MCC: variants seen among roughly 807,000 people sequenced by gnomAD.
MCC encodes colorectal mutant cancer protein.
MCC carries 90 observed loss-of-function variants against 116.2 expected under a neutral mutation model. The observed-to-expected ratio is 0.77, with a 90% CI of 0.65 to 0.92. The LOEUF (loss-of-function observed/expected upper bound fraction) is 0.92. Among genes scored for constraint, MCC ranks in the 40% least tolerant of loss-of-function variants. The pLI is 0.00. For missense variants in MCC, 1,516 were observed against 1,312.2 expected, an observed-to-expected ratio of 1.16 and a Z score of -2.40; for synonymous variants, 578 against 510.5, an observed-to-expected ratio of 1.13 and a Z score of -1.78.
chr5:113,167,044 C>G (rs1197051033), intron 3 of MCC, among the ~76,000 whole-genome samples: 1 of 152,180 alleles, frequency 6.6e-6, no homozygotes, highest in African/African-American at 2.4e-5. Context: ...AGTCTCATCT[C>G]TCTGGGATAA....
chr5:113,262,078 CTTTT>C (rs879571232), intron 3 of MCC, among the ~76,000 whole-genome samples: 1 of 151,726 alleles, frequency 6.6e-6, no homozygotes, highest in Non-Finnish European at 1.5e-5. Flanking sequence ...GTCCTAAGAG[CTTTT>C]TTTTAATTTT....
chr5:113,350,982 G>A (rs1341114950), intron 2 of MCC, among the ~76,000 whole-genome samples: 2 of 152,102 alleles, frequency 1.3e-5, no homozygotes, highest in African/African-American at 4.8e-5. Flanking sequence ...AAACTACAAT[G>A]AGATATCATC....
intron 11 of MCC, among the ~76,000 whole-genome samples, chr5:113,072,238 G>C (rs1754090262): frequency 6.6e-6 from 1 of 152,190 alleles, no homozygotes; most frequent in Admixed American, 6.5e-5. Context: ...AAAAATCTTA[G>C]ACTCAAGCCT....
intron 1 of MCC, among the ~76,000 whole-genome samples, chr5:113,456,206 G>C (rs1771542570): frequency 6.6e-6 from 1 of 152,116 alleles, no homozygotes; most frequent in Non-Finnish European, 1.5e-5. Context: ...TGTTACATAG[G>C]CTGAATTTTA....
chr5:113,430,637 G>C (rs1329532141), intron 1 of MCC, among the ~76,000 whole-genome samples: 1 of 152,214 alleles, frequency 6.6e-6, no homozygotes, highest in Non-Finnish European at 1.5e-5. Context: ...GCATGTATAT[G>C]AGAGGTAAGG....
At chr5:113,186,260 C>T (rs1466360517) in intron 3 of MCC, among the ~76,000 whole-genome samples, 1 of 152,112 alleles carries the variant, frequency 6.6e-6, no homozygotes, top group Non-Finnish European at 1.5e-5. Flanking sequence ...TGGCAGGGGA[C>T]GTGCCAGCAG....
rs1750922137 is a variant in MCC at position 113,031,069 on chromosome 5, A to C, written c.2757-2013T>G. On this transcript the variant is annotated intron_variant, in intron 17 of 18. Coordinates refer to ENST00000408903, the MANE Select transcript of MCC (RefSeq NM_001085377.2). ...GCTTTTCATATATCTAATCTTTTAC[A>C]TTTCTGCCTTTAGCTACTATGAGGG... 3.3e-5 allele frequency among the ~76,000 whole-genome samples: 5 copies of C among 152,058 alleles called. No homozygotes were observed. In the South Asian group the frequency reaches 8.3e-4, roughly 25 times the overall value.
chr5:113,274,638 G>A (rs949137797), intron 3 of MCC, among the ~76,000 whole-genome samples: 1 of 152,148 alleles, frequency 6.6e-6, no homozygotes, highest in Admixed American at 6.5e-5. Context: ...CAGGATTACA[G>A]GTGTGAGCCA....
At chr5:113,433,178 C>T in intron 1 of MCC, 1 of 181,160 alleles carries the variant, frequency 5.5e-6, no homozygotes, top group Non-Finnish European at 1.2e-5. Flanking sequence ...GAGTCGGAGC[C>T]CCCGAGGCTG....
At chr5:113,101,258 T>C (rs979994855) in intron 8 of MCC, among the ~76,000 whole-genome samples, 5 of 152,132 alleles carry the variant, frequency 3.3e-5, no homozygotes, top group Admixed American at 6.5e-5. Context: ...ATATGGCTAT[T>C]TTAACTTCAG....
At chr5:113,387,514 G>A (rs1225808893) in intron 1 of MCC, among the ~76,000 whole-genome samples, 2 of 152,128 alleles carry the variant, frequency 1.3e-5, no homozygotes, top group Non-Finnish European at 2.9e-5. Context: ...CTAAAATAAG[G>A]ATTTCTTTTT....
intron 2 of MCC, among the ~76,000 whole-genome samples, chr5:113,346,435 T>C (rs1016552482): frequency 1.2e-4 from 18 of 151,818 alleles, no homozygotes; most frequent in Non-Finnish European, 2.1e-4. Context: ...CCATCTCTAC[T>C]AAAAATACAA....
chr5:113,149,098 C>T (rs1759690844), intron 4 of MCC, among the ~76,000 whole-genome samples: 1 of 152,134 alleles, frequency 6.6e-6, no homozygotes, highest in African/African-American at 2.4e-5. Flanking sequence ...CAATTAAATG[C>T]ATTCACAATT....
At chr5:113,045,985 C>CT (rs1752045787) in intron 16 of MCC, among the ~76,000 whole-genome samples, 1 of 152,034 alleles carries the variant, frequency 6.6e-6, no homozygotes, top group African/African-American at 2.4e-5. Context: ...GTGCTGACCC[C>CT]TTCTCTAGAT....
chr5:113,104,219 G>T lies in MCC; in HGVS notation c.1164C>A (p.Ala388=). The T allele has an allele frequency of 6.2e-7, 1 of 1,613,652 alleles. No homozygotes were observed. Among genetic ancestry groups the T allele is most frequent in the Non-Finnish European group, 8.5e-7 (1 of 1,179,744 alleles). The change falls in exon 7 of 19, where the codon GCC becomes GCA. Residue 388 remains alanine, a synonymous_variant. Transcript: ENST00000408903. ...VDKHIEQLTT[A]SEHCDLAIKT... ...TAATAGCCAGGTCACAGTGCTCGCT[G>T]GCTGTGGTGAGCTGCTCAATGTGCT... is the stretch of plus-strand genomic sequence containing the variant.
At chr5:113,160,881 T>C (rs1760445789) in intron 3 of MCC, among the ~76,000 whole-genome samples, 2 of 152,124 alleles carry the variant, frequency 1.3e-5, no homozygotes, top group African/African-American at 4.8e-5. Context: ...GAGGACAAAA[T>C]TGTAGTATAG....
At chr5:113,218,178 G>C (rs1349669187) in intron 3 of MCC, among the ~76,000 whole-genome samples, 2 of 152,020 alleles carry the variant, frequency 1.3e-5, no homozygotes, top group Middle Eastern at 3.4e-3. Flanking sequence ...TCTTACTCAC[G>C]AGCACTGGCG....
rs11405354 is a variant in MCC, at chr5:113,113,651, CA to C, written c.1027+9032del. ...GGACCATAACCCACATATGTTCTTGCAAAAAAAAAAAAAAAAAAAGCTAACC... is the reference window on the plus strand; with the variant it reads ...GGACCATAACCCACATATGTTCTTGCAAAAAAAAAAAAAAAAAAGCTAACC... On this transcript the variant is annotated intron_variant, in intron 6 of 18. Transcript: ENST00000408903. Among the ~76,000 whole-genome samples the C allele has an allele frequency of 6.3e-3, 685 of 108,354 alleles. 3 individuals carry two copies. The highest frequency in any genetic ancestry group is 0.023 in the African/African-American group (642 of 27,452). 71.1% of individuals were successfully genotyped at this position (108,354 alleles called of 152,430 possible). A position where few individuals can be genotyped will look rare whatever the true frequency, so the allele number is the denominator to read the frequency against.
chr5:113,272,605 A>G (rs1218770437), intron 3 of MCC, among the ~76,000 whole-genome samples: 3 of 152,156 alleles, frequency 2.0e-5, no homozygotes, highest in Non-Finnish European at 4.4e-5. Context: ...ACACTTGTCC[A>G]TGTTAGGATA....
Sources: gnomAD v4.1 joint callset for allele counts (sites outside exome capture counted in the v4.1 genomes callset) on GRCh38, gnomAD v4.1.1 for gene constraint, MANE v1.5 for transcripts, NCBI Gene and HGNC (gene_info 2026-07-23, HGNC 2026-07-21) for gene names.